Variants in INPP5D observed in about 807,000 individuals in gnomAD.
INPP5D encodes phosphatidylinositol 3,4,5-trisphosphate 5-phosphatase 1.
Under a neutral mutation model 122.9 loss-of-function variants are expected in INPP5D, and 33 were observed. That is an observed-to-expected ratio of 0.27 (90% CI 0.20 to 0.36). The LOEUF (loss-of-function observed/expected upper bound fraction) is 0.36. Ranked by LOEUF, INPP5D falls within the 10% of genes least tolerant of loss-of-function variation. The pLI is 1.00. For synonymous variants in INPP5D, 584 were observed against 576.2 expected, an observed-to-expected ratio of 1.01 and a Z score of -0.19; for missense variants, 1,053 against 1,412.7, an observed-to-expected ratio of 0.75 and a Z score of 4.08.
In INPP5D at chr2:233,164,257, G is replaced by C. The variant is rs1275981146; in HGVS notation, c.1438-50G>C. 6.6e-7 allele frequency: 1 copy of C among 1,514,112 alleles called. No homozygotes were observed. The highest frequency in any genetic ancestry group is 2.5e-5 in the East Asian group (1 of 40,582). 93.8% of individuals were successfully genotyped at this position (1,514,112 alleles called of 1,614,324 possible). A position where few individuals can be genotyped will look rare whatever the true frequency, so the allele number is the denominator to read the frequency against. On this transcript the variant is annotated intron_variant, in intron 12 of 26. Transcript: ENST00000445964. The surrounding 1 kb of genome is among the most constrained non-coding windows in gnomAD (Gnocchi z 4.3). ...GCTGGGTGTGAATCACTGTGCCCTG[G>C]TTCACACCCTACACTTGGGCCGAGT...
rs1315826838 is a variant in INPP5D at position 233,197,743 on chromosome 2, C to T, written c.2694-352C>T. On this transcript the variant is annotated intron_variant, in intron 24 of 26. Coordinates refer to ENST00000445964, the MANE Select transcript of INPP5D (RefSeq NM_001017915.3). This position sits in a 1 kb window ranked among gnomAD's most constrained non-coding sequence, Gnocchi z 4.4. ...CCCAACACTTCACTAGTCCCCATCT[C>T]TGCCCCTTGTTATTCTCAGACTTCA... Among the ~76,000 whole-genome samples, 1 of 152,244 alleles carries T rather than the reference C, an allele frequency of 6.6e-6. No individual in the cohort carries two copies. Among genetic ancestry groups the T allele is most frequent in the Non-Finnish European group, 1.5e-5 (1 of 68,050 alleles).
intron 2 of INPP5D, among the ~76,000 whole-genome samples, chr2:233,092,619 G>C (rs550316311): frequency 6.6e-6 from 1 of 152,330 alleles, no homozygotes; most frequent in East Asian, 1.9e-4. Flanking sequence ...CAGGACCTTT[G>C]CTTGGGGTGA....
rs61481199 is a variant in INPP5D, at chr2:233,065,651, CT to C, written c.134+5052del. Among the ~76,000 whole-genome samples the C allele has an allele frequency of 6.4e-3, 20 of 3,102 alleles. 1 individual carries two copies. The highest frequency in any genetic ancestry group is 0.023 in the African/African-American group (19 of 836). The allele number at this position is 3,102 out of a possible 152,430, so 2.0% of individuals were successfully genotyped here. On this transcript the variant is annotated intron_variant, in intron 1 of 26. Transcript: ENST00000445964. ...TCTTTCTTTCTTTCTTTCTTTCTTT[CT>C]TTTTTTTTTTTTGAGACAGAGTCTC...
At position 233,195,385 on chromosome 2, in the gene INPP5D, C is replaced by A; in HGVS notation, c.2597-14C>A. 6.2e-7 allele frequency: 1 copy of A among 1,613,798 alleles called. No homozygotes were observed. On this transcript the variant is annotated splice_polypyrimidine_tract_variant and intron_variant, in intron 23 of 26. Coordinates refer to ENST00000445964, the MANE Select transcript of INPP5D (RefSeq NM_001017915.3). ...TGGGCCCTCACATGCTCTTTCCCGT[C>A]CCTTTCCTTCCAGACTTTGTGAAGA...
At chr2:233,158,118 A>G (rs1471419586) in intron 9 of INPP5D, among the ~76,000 whole-genome samples, 195 bp from the exon 10 acceptor site, 3 of 152,124 alleles carry the variant, frequency 2.0e-5, no homozygotes, top group Admixed American at 6.6e-5. Context: ...TGCTTGTTCC[A>G]GACATCACCC....
At chr2:233,154,119 C>T (rs1422680642) in intron 9 of INPP5D, among the ~76,000 whole-genome samples, 1 of 151,886 alleles carries the variant, frequency 6.6e-6, no homozygotes, top group African/African-American at 2.4e-5. Context: ...AAACAGGGGA[C>T]ACAAAGACAA....
intron 9 of INPP5D, among the ~76,000 whole-genome samples, chr2:233,149,296 T>C (rs1284690139): frequency 1.3e-5 from 2 of 152,126 alleles, no homozygotes; most frequent in East Asian, 3.9e-4. Flanking sequence ...AGACAGGGTT[T>C]CACCATGTTG....
At chr2:233,147,407 C>T (rs772164648) in intron 8 of INPP5D, 64 bp from the exon 9 acceptor site, 65 of 695,528 alleles carry the variant, frequency 9.3e-5, no homozygotes, top group African/African-American at 3.5e-4. Context: ...GGGGTTCGGG[C>T]GGGGGAAGCC....
At chr2:233,089,267 C>T (rs1691931164) in intron 2 of INPP5D, among the ~76,000 whole-genome samples, 2 of 152,288 alleles carry the variant, frequency 1.3e-5, no homozygotes, top group Admixed American at 1.3e-4. Flanking sequence ...TTGTTGAGCC[C>T]CTGTCAGGAG....
At chr2:233,114,069 C>A (rs867936019) in intron 2 of INPP5D, among the ~76,000 whole-genome samples, 4 of 152,290 alleles carry the variant, frequency 2.6e-5, no homozygotes, top group Middle Eastern at 6.8e-3. Flanking sequence ...ACCAACACGC[C>A]CAGCTAATTT....
chr2:233,131,266 C>T (rs1200239314), intron 5 of INPP5D: 1 of 311,906 alleles, frequency 3.2e-6, no homozygotes, highest in Non-Finnish European at 4.7e-6. Context: ...GTTAAAAGTG[C>T]AAAAGTAAGG....
At position 233,125,779 on chromosome 2, in the gene INPP5D, A is replaced by G. The variant is rs746606835; in HGVS notation, c.384A>G (p.Pro128=). The G allele has an allele frequency of 1.1e-5, 18 of 1,613,640 alleles. No homozygotes were observed. Among genetic ancestry groups the G allele is most frequent in the Middle Eastern group, 1.6e-4 (1 of 6,082 alleles). Residue 128 remains proline (P), a synonymous_variant, in exon 4 of 27, where the codon CCA becomes CCG. Coordinates refer to ENST00000445964, the MANE Select transcript of INPP5D (RefSeq NM_001017915.3). ...TCGTGTCTCCACCCGAGCTGCCCCC[A>G]AGAAACATCCCGCTGACTGCCAGCT... is the stretch of plus-strand genomic sequence containing the variant. ...ESVVSPPELP[P]RNIPLTASSC... is the part of the protein sequence containing the mutation.
In INPP5D at chr2:233,078,740, T is replaced by C. The variant is rs1321166001; in HGVS notation, c.135-595T>C. Among the ~76,000 whole-genome samples, 3 of 152,154 alleles carry C rather than the reference T, an allele frequency of 2.0e-5. No homozygotes were observed. The highest frequency in any genetic ancestry group is 2.9e-5 in the Non-Finnish European group (2 of 68,022). On this transcript the variant is annotated intron_variant, in intron 1 of 26. Coordinates refer to ENST00000445964, the MANE Select transcript of INPP5D (RefSeq NM_001017915.3). The surrounding 1 kb of genome is among the most constrained non-coding windows in gnomAD (Gnocchi z 4.6). ...ACTCTGTCGCCAGGCTGGAGTGAAG[T>C]GGCACATTCTCGGCTCACTGCAACC...
intron 2 of INPP5D, among the ~76,000 whole-genome samples, chr2:233,085,780 C>T (rs957604407): frequency 1.3e-5 from 2 of 152,142 alleles, no homozygotes; most frequent in African/African-American, 4.8e-5. Flanking sequence ...TAATCCCTTC[C>T]CCAGTCTGTC....
At chr2:233,151,907 G>A (rs1423224080) in intron 9 of INPP5D, among the ~76,000 whole-genome samples, 7 of 152,252 alleles carry the variant, frequency 4.6e-5, no homozygotes, top group Non-Finnish European at 8.8e-5. Flanking sequence ...ATGAAGGCAA[G>A]AATGAATGAA....
At chr2:233,130,910 G>A in intron 5 of INPP5D, 1 of 621,746 alleles carries the variant, frequency 1.6e-6, no homozygotes, top group Non-Finnish European at 3.0e-6. Flanking sequence ...AGCGGATGGG[G>A]TGGGAGGACA....
intron 1 of INPP5D, among the ~76,000 whole-genome samples, chr2:233,069,595 T>C (rs945609858): frequency 6.6e-6 from 1 of 152,228 alleles, no homozygotes; most frequent in Non-Finnish European, 1.5e-5. Context: ...TAGAATTTCT[T>C]CCTAAATATC....
chr2:233,170,477 G>C lies in INPP5D; in HGVS notation c.1792-19G>C. 6.2e-7 allele frequency: 1 copy of C among 1,613,472 alleles called. No homozygotes were observed. Among genetic ancestry groups the C allele is most frequent in the Non-Finnish European group, 8.5e-7 (1 of 1,179,686 alleles). ...CAGCAGGGCTTCTCACCAGAGGCCC[G>C]GGCATGTTCTTGTTCCAGGAGGCAG... On this transcript the variant is annotated intron_variant, in intron 15 of 26. Transcript: ENST00000445964. This position sits in a 1 kb window ranked among gnomAD's most constrained non-coding sequence, Gnocchi z 4.5.
intron 1 of INPP5D, 137 bp downstream of exon 1, chr2:233,060,749 A>ACAAGGT: frequency 1.6e-6 from 2 of 1,246,778 alleles, no homozygotes; most frequent in Non-Finnish European, 2.3e-6. Context: ...CCTGTCATGG[A>ACAAGGT]CCTTGTCCTT....
Sources: allele counts gnomAD v4.1 joint callset (sites outside exome capture counted in the v4.1 genomes callset), GRCh38; gene constraint gnomAD v4.1.1; non-coding constraint Gnocchi (gnomAD v3.1); transcripts MANE v1.5; gene names NCBI Gene and HGNC (gene_info 2026-07-23, HGNC 2026-07-21).